IQSEC1: variants seen among roughly 807,000 people sequenced by gnomAD.
The protein encoded by IQSEC1 is IQ motif and SEC7 domain-containing protein 1.
In IQSEC1, 31 loss-of-function variants were observed where a neutral mutation model predicts 91.0. The ratio of observed to expected loss-of-function variants is 0.34; its 90% CI spans 0.26 to 0.46. The LOEUF (loss-of-function observed/expected upper bound fraction) is 0.46. Ranked by LOEUF, IQSEC1 falls within the 20% of genes least tolerant of loss-of-function variation. The pLI, the probability that IQSEC1 is intolerant of heterozygous loss-of-function variation, is 1.00. For synonymous variants in IQSEC1, 699 were observed against 662.6 expected (o/e 1.05, Z -0.84); for missense variants, 1,388 against 1,575.6 (o/e 0.88, Z 2.02).
At chr3:13,004,673 G>A (rs1315895392) in intron 1 of IQSEC1, among the ~76,000 whole-genome samples, 1 of 152,188 alleles carries the variant, frequency 6.6e-6, no homozygotes, top group Non-Finnish European at 1.5e-5. Flanking sequence ...CACCAGCAAA[G>A]CTCAGAACGG....
In IQSEC1 at chr3:12,924,439, G is replaced by T; in HGVS notation, c.1730+142C>A. ...GGGGCATCTGCATGTGTGTGTCTAG[G>T]ACTTAGGAAGAGAGAAAGGGGGGCC... On this transcript the variant is annotated intron_variant, in intron 4 of 13. Transcript: ENST00000613206. This position sits in a 1 kb window ranked among gnomAD's most constrained non-coding sequence, Gnocchi z 6.3. The T allele has an allele frequency of 6.2e-6, 5 of 807,528 alleles. No individual in the cohort carries two copies. Among genetic ancestry groups the T allele is most frequent in the Non-Finnish European group, 7.6e-6 (4 of 529,234 alleles). The allele number at this position is 807,528 out of a possible 1,614,324, so 50.0% of individuals were successfully genotyped here. A position where few individuals can be genotyped will look rare whatever the true frequency, so the allele number is the denominator to read the frequency against.
intron 1 of IQSEC1, among the ~76,000 whole-genome samples, chr3:13,220,608 G>T (rs1045759076): frequency 1.3e-5 from 2 of 152,202 alleles, no homozygotes; most frequent in African/African-American, 2.4e-5. Context: ...TTCCTGGTCG[G>T]GACAAGGTCA....
At position 12,899,015 on chromosome 3, in the gene IQSEC1, C is replaced by T. The variant is rs980872838; in HGVS notation, c.*1968G>A. 15 of 245,392 alleles carry T rather than the reference C, an allele frequency of 6.1e-5. No homozygotes were observed. Among genetic ancestry groups the T allele is most frequent in the Non-Finnish European group, 3.2e-5 (4 of 123,318 alleles). The allele number at this position is 245,392 out of a possible 1,614,324, so 15.2% of individuals were successfully genotyped here. A position where few individuals can be genotyped will look rare whatever the true frequency, so the allele number is the denominator to read the frequency against. ...GAGCAGACACCAAAGAAATGCCACG[C>T]CAATGGGAGGACACAGGTGGGCGGG... On this transcript the variant is annotated 3_prime_UTR_variant, in exon 14 of 14. Transcript: ENST00000613206.
In IQSEC1 at chr3:12,984,570, C is replaced by T. The variant is rs531078091; in HGVS notation, c.24-42705G>A. ...CCAAGACCAACAGTGAATGCTGCTC[C>T]TCCTTTCAGGGGGCTGGGAAGCCTA... On this transcript the variant is annotated intron_variant, in intron 1 of 13. Coordinates refer to ENST00000613206, the MANE Select transcript of IQSEC1 (RefSeq NM_001134382.3). Among the ~76,000 whole-genome samples, 6 of 152,292 alleles carry T rather than the reference C, an allele frequency of 3.9e-5. No homozygotes were observed. In the South Asian group the frequency reaches 1.2e-3, roughly 32 times the overall value.
intron 1 of IQSEC1, among the ~76,000 whole-genome samples, chr3:13,018,760 T>C (rs1364474325): frequency 1.3e-5 from 2 of 152,148 alleles, no homozygotes; most frequent in Admixed American, 1.3e-4. Context: ...GGCTGCCTGT[T>C]ATACAAACAG....
chr3:12,902,269 T>C (rs1694398835), intron 13 of IQSEC1, among the ~76,000 whole-genome samples: 1 of 152,086 alleles, frequency 6.6e-6, no homozygotes, highest in Admixed American at 6.5e-5. Flanking sequence ...AGCTAAGCAA[T>C]TCCATGGTGT....
At chr3:12,993,638 C>T (rs1336296259) in intron 1 of IQSEC1, among the ~76,000 whole-genome samples, 1 of 152,210 alleles carries the variant, frequency 6.6e-6, no homozygotes, top group Non-Finnish European at 1.5e-5. Context: ...CAATATCGCG[C>T]CTTTAGCGTT....
At chr3:12,980,583 C>A (rs1030767536) in intron 1 of IQSEC1, among the ~76,000 whole-genome samples, 15 of 152,204 alleles carry the variant, frequency 9.9e-5, no homozygotes, top group African/African-American at 3.1e-4. Context: ...TTCAACATGC[C>A]AGCTACATCT....
Position 13,222,799 on chromosome 3 carries a change from G to A in IQSEC1, c.273-58666C>T, listed in dbSNP as rs537491810. Among the ~76,000 whole-genome samples, 10 of 152,312 alleles carry A rather than the reference G, an allele frequency of 6.6e-5. No homozygotes were observed. In the South Asian group the frequency reaches 1.5e-3, roughly 22 times the overall value. On this transcript the variant is annotated intron_variant, in intron 1 of 15. Coordinates refer to the IQSEC1 transcript ENST00000648114. ...GAGCTCAGGACCCACAAAGGGCGAC[G>A]TGTGTGGGGCCCCAGACCCTCTGCT...
intron 2 of IQSEC1, among the ~76,000 whole-genome samples, chr3:13,101,172 G>A (rs576502144): frequency 7.2e-5 from 11 of 152,276 alleles, no homozygotes; most frequent in African/African-American, 2.4e-4. Context: ...GACACGATGC[G>A]ACTTCTGTTT....
intron 1 of IQSEC1, among the ~76,000 whole-genome samples, chr3:13,202,928 T>C (rs1179008458): frequency 6.6e-6 from 1 of 152,190 alleles, no homozygotes; most frequent in Non-Finnish European, 1.5e-5. Flanking sequence ...ATGCAGCACC[T>C]TGTGTGTTCC....
chr3:12,953,851 C>T (rs915698227), intron 1 of IQSEC1, among the ~76,000 whole-genome samples: 1 of 152,212 alleles, frequency 6.6e-6, no homozygotes, highest in Admixed American at 6.5e-5. Context: ...CCTTGGTTTC[C>T]TACCTGCACA....
In IQSEC1 at chr3:12,922,378, CAA is replaced by C; in HGVS notation, c.1731-138_1731-137del. On this transcript the variant is annotated intron_variant, in intron 4 of 13. Transcript: ENST00000613206. The surrounding 1 kb of genome is among the most constrained non-coding windows in gnomAD (Gnocchi z 5.1). ...GGGAGAGCCCCTGCCTGACTCCGAC[CAA>C]TCAGCCAAGAGCCCTCAGAATGCAG... The C allele has an allele frequency of 9.0e-7, 1 of 1,105,208 alleles. No individual in the cohort carries two copies. The highest frequency in any genetic ancestry group is 1.9e-5 in the South Asian group (1 of 52,448). 68.5% of individuals were successfully genotyped at this position (1,105,208 alleles called of 1,614,324 possible). A position where few individuals can be genotyped will look rare whatever the true frequency, so the allele number is the denominator to read the frequency against.
Position 12,970,283 on chromosome 3 carries a change from G to C in IQSEC1, c.24-28418C>G, listed in dbSNP as rs947736652. Among the ~76,000 whole-genome samples, 1 of 152,212 alleles carries C rather than the reference G, an allele frequency of 6.6e-6. No homozygotes were observed. Among genetic ancestry groups the C allele is most frequent in the African/African-American group, 2.4e-5 (1 of 41,436 alleles). On this transcript the variant is annotated intron_variant, in intron 1 of 13. Transcript: ENST00000613206. The surrounding 1 kb of genome is among the most constrained non-coding windows in gnomAD (Gnocchi z 4.4). Reference sequence around the variant, plus strand: ...TGCCCCAGGAGAGGCTCTAATGGGGGGACATTTTGGGTTGGACCTTGAGGG... The same window carrying C: ...TGCCCCAGGAGAGGCTCTAATGGGGCGACATTTTGGGTTGGACCTTGAGGG...
chr3:13,088,231 G>A (rs1224799497), intron 2 of IQSEC1, among the ~76,000 whole-genome samples: 1 of 152,224 alleles, frequency 6.6e-6, no homozygotes, highest in Non-Finnish European at 1.5e-5. Flanking sequence ...TAACGCAGTG[G>A]GTGGCGAAGG....
chr3:13,205,350 C>G (rs1335035745), intron 1 of IQSEC1, among the ~76,000 whole-genome samples: 4 of 152,094 alleles, frequency 2.6e-5, no homozygotes, highest in Non-Finnish European at 1.5e-5. Context: ...AAGCACCAGA[C>G]AGGACTGTAA....
At chr3:13,112,467 C>T (rs1706263035) in intron 2 of IQSEC1, among the ~76,000 whole-genome samples, 1 of 152,244 alleles carries the variant, frequency 6.6e-6, no homozygotes, top group African/African-American at 2.4e-5. Flanking sequence ...GTGAGAGGGA[C>T]TGACAACCAA....
chr3:13,083,637 C>A (rs1705684762), intron 2 of IQSEC1, among the ~76,000 whole-genome samples: 1 of 152,274 alleles, frequency 6.6e-6, no homozygotes, highest in Admixed American at 6.5e-5. Flanking sequence ...TGGCCTGTGG[C>A]CGCAGGGTCT....
intron 1 of IQSEC1, among the ~76,000 whole-genome samples, chr3:13,018,803 G>A (rs1053347037): frequency 6.6e-6 from 1 of 152,194 alleles, no homozygotes; most frequent in African/African-American, 2.4e-5. Context: ...TGCAGCTGGG[G>A]GAAGCTTACA....
Sources: allele counts gnomAD v4.1 joint callset (sites outside exome capture counted in the v4.1 genomes callset), GRCh38; gene constraint gnomAD v4.1.1; non-coding constraint Gnocchi (gnomAD v3.1); transcripts MANE v1.5; gene names NCBI Gene and HGNC (gene_info 2026-07-23, HGNC 2026-07-21).